TAP2: variants seen among roughly 807,000 people sequenced by gnomAD.
TAP2 encodes transporter 2, ATP binding cassette subfamily B member.
In TAP2, 49 loss-of-function variants were observed where a neutral mutation model predicts 74.7. That is an observed-to-expected ratio of 0.66 (90% CI 0.52 to 0.83). TAP2 has a LOEUF of 0.83. TAP2 is among the 40% of genes least tolerant of loss of function. The probability of loss-of-function intolerance (pLI) is 0.00; values close to 1 mark genes in which losing one functional copy is unlikely to be tolerated. For synonymous variants in TAP2, 306 were observed against 368.4 expected, an observed-to-expected ratio of 0.83 and a Z score of 1.94; for missense variants, 739 against 859.0, an observed-to-expected ratio of 0.86 and a Z score of 1.75.
At chr6:32,825,147 T>TATATATATATATA (rs1562317342), downstream of TAP2, among the ~76,000 whole-genome samples, 1 of 150,746 alleles carries the variant, frequency 6.6e-6, no homozygotes, top group African/African-American at 2.4e-5. Flanking sequence ...TATATATATA[T>TATATATATATATA]GGAGAAACAG....
chr6:32,827,525 T>C lies in TAP2; in HGVS notation c.*1381A>G. 3.2e-6 allele frequency: 1 copy of C among 309,428 alleles called. No homozygotes were observed. Among genetic ancestry groups the C allele is most frequent in the Non-Finnish European group, 4.7e-6 (1 of 212,686 alleles). 19.2% of individuals were successfully genotyped at this position (309,428 alleles called of 1,614,324 possible). A position where few individuals can be genotyped will look rare whatever the true frequency, so the allele number is the denominator to read the frequency against. On this transcript the variant is annotated 3_prime_UTR_variant, in exon 12 of 12. Transcript: ENST00000374897. ...GTAACCGCACAGTGATAGAAGCACA[T>C]GGAGAGTTCCCCAGACTGACGACAT...
chr6:32,828,721 C>G lies in TAP2; in HGVS notation c.*185G>C. 7.8e-6 allele frequency: 8 copies of G among 1,020,708 alleles called. No individual in the cohort carries two copies. The highest frequency in any genetic ancestry group is 9.5e-6 in the Non-Finnish European group (8 of 845,666). The allele number at this position is 1,020,708 out of a possible 1,614,324, so 63.2% of individuals were successfully genotyped here. ...ACCTCTCTACCCCACCAAAAGCACA[C>G]AGTGTCCAAATCTCCATCGTGCCTG... is the stretch of plus-strand genomic sequence containing the variant. On this transcript the variant is annotated 3_prime_UTR_variant, in exon 12 of 12. Transcript: ENST00000374897.
At position 32,825,969 on chromosome 6, in the gene TAP2, C is replaced by T; in HGVS notation, c.*2937G>A. On this transcript the variant is annotated 3_prime_UTR_variant, in exon 12 of 12. Transcript: ENST00000374897. ...GCACAGCAATAGCACATAGTAAGCACCAGTGAATGCTTAGTAGTAGTAGTA... is the reference window on the plus strand; with the variant it reads ...GCACAGCAATAGCACATAGTAAGCATCAGTGAATGCTTAGTAGTAGTAGTA... 1.0e-6 allele frequency: 1 copy of T among 980,590 alleles called. No homozygotes were observed. The highest frequency in any genetic ancestry group is 1.2e-6 in the Non-Finnish European group (1 of 826,224). 60.7% of individuals were successfully genotyped at this position (980,590 alleles called of 1,614,324 possible). A position where few individuals can be genotyped will look rare whatever the true frequency, so the allele number is the denominator to read the frequency against.
At chr6:32,829,084 CA>C in intron 11 of TAP2, 50 bp from the exon 12 acceptor site, 1 of 1,480,488 alleles carries the variant, frequency 6.8e-7, no homozygotes, top group South Asian at 1.2e-5. Context: ...AGATGGACAC[CA>C]CATCCACCTG....
chr6:32,832,243 TG>T lies in TAP2; in HGVS notation c.1272+89del. The stretch of plus-strand genomic sequence containing the variant: ...TGCGGGTTTTGGTTTTGTATTGTAT[TG>T]TTAAAAAGAACAAATAAAGCCCAAG... On this transcript the variant is annotated intron_variant, in intron 7 of 11. Transcript: ENST00000374897. The surrounding 1 kb of genome is among the most constrained non-coding windows in gnomAD (Gnocchi z 5.9). The T allele has an allele frequency of 6.3e-7, 1 of 1,584,038 alleles. No homozygotes were observed. Among genetic ancestry groups the T allele is most frequent in the Non-Finnish European group, 8.6e-7 (1 of 1,161,264 alleles).
rs1228464272 is a variant in TAP2, at chr6:32,835,876, G to C, written c.609-103C>G. The C allele has an allele frequency of 1.0e-5, 15 of 1,487,586 alleles. No individual in the cohort carries two copies. The highest frequency in any genetic ancestry group is 1.4e-5 in the Non-Finnish European group (15 of 1,071,902). 92.1% of individuals were successfully genotyped at this position (1,487,586 alleles called of 1,614,324 possible). A position where few individuals can be genotyped will look rare whatever the true frequency, so the allele number is the denominator to read the frequency against. Reference sequence around the variant, plus strand: ...GGAGTGCAGAGAAGCGCAAAGTCAGGGGAAAGCATGCCAGGAGGGGCAAAA... The same window carrying C: ...GGAGTGCAGAGAAGCGCAAAGTCAGCGGAAAGCATGCCAGGAGGGGCAAAA... On this transcript the variant is annotated intron_variant, in intron 3 of 11. Coordinates refer to ENST00000374897, the MANE Select transcript of TAP2 (RefSeq NM_001290043.2). This position sits in a 1 kb window ranked among gnomAD's most constrained non-coding sequence, Gnocchi z 4.0.
Position 32,830,302 on chromosome 6 carries a change from T to C in TAP2, c.1600A>G (p.Ile534Val), listed in dbSNP as rs1768976845. The C allele has an allele frequency of 1.2e-6, 2 of 1,613,104 alleles. No homozygotes were observed. Among genetic ancestry groups the C allele is most frequent in the Non-Finnish European group, 1.7e-6 (2 of 1,180,012 alleles). The change falls in exon 9 of 12, where the codon ATC becomes GTC. Residue 534 changes from isoleucine (I) to valine (V), a missense_variant. Transcript: ENST00000374897. ...GGQVLLDEKP[I>V]SQYEHCYLHS... Reference sequence around the variant, plus strand: ...AGGTAGCAGTGTTCATACTGTGAGATGGGCTTTTCATCCAGCAGCACCTGT... The same window carrying C: ...AGGTAGCAGTGTTCATACTGTGAGACGGGCTTTTCATCCAGCAGCACCTGT...
downstream of TAP2, chr6:32,825,266 C>G (rs189001221): frequency 6.6e-6 from 1 of 151,878 alleles, no homozygotes; most frequent in South Asian, 2.1e-4. Flanking sequence ...CAGCAACTCC[C>G]CTTTAAGATT....
In TAP2 at chr6:32,835,201, T is replaced by A. The variant is rs1040349334; in HGVS notation, c.898A>T (p.Met300Leu). 3.7e-6 allele frequency: 6 copies of A among 1,612,914 alleles called. No individual in the cohort carries two copies. Among genetic ancestry groups the A allele is most frequent in the Non-Finnish European group, 5.1e-6 (6 of 1,180,032 alleles). ...PRLTLLSLLHMPFTIAAEKVY... is the reference protein window; with the variant it reads ...PRLTLLSLLHLPFTIAAEKVY... ...TTCTCCGCTGCTATTGTGAAGGGCA[T>A]GTGCAGCAGAGAAAGGAGGGTGAGT... Residue 300 changes from methionine to leucine, a missense_variant, in exon 5 of 12, where the codon ATG (methionine) becomes TTG (leucine). By Grantham distance (15) the Met-to-Leu change is conservative. Transcript: ENST00000374897. The surrounding 1 kb of genome is among the most constrained non-coding windows in gnomAD (Gnocchi z 4.0).
chr6:32,830,191 C>T (rs1177837264), intron 9 of TAP2, 76 bp downstream of exon 9: 2 of 1,612,458 alleles, frequency 1.2e-6, no homozygotes, highest in Non-Finnish European at 1.7e-6. Context: ...ACCTGGTGCG[C>T]CTTCCCGTGG....
chr6:32,823,639 A>T (rs1768453190), downstream of TAP2, among the ~76,000 whole-genome samples: 1 of 151,992 alleles, frequency 6.6e-6, no homozygotes, highest in Non-Finnish European at 1.5e-5. Context: ...TTTTTATCTT[A>T]ATCTAATTTA....
At position 32,829,537 on chromosome 6, in the gene TAP2, C is replaced by T; in HGVS notation, c.1796-1G>A. ...AGCTGGCTTCCCTTCTCCCCTACATCTGAGGAAATCAGAGAAATTCCCTTC... is the reference window on the plus strand; with the variant it reads ...AGCTGGCTTCCCTTCTCCCCTACATTTGAGGAAATCAGAGAAATTCCCTTC... On this transcript the variant is annotated splice_acceptor_variant, in intron 10 of 11. Transcript: ENST00000374897. LOFTEE classifies it high-confidence loss of function. 1.2e-6 allele frequency: 2 copies of T among 1,614,168 alleles called. No individual in the cohort carries two copies. The highest frequency in any genetic ancestry group is 1.7e-6 in the Non-Finnish European group (2 of 1,180,030).
Position 32,835,349 on chromosome 6 carries a change from G to C in TAP2, c.750C>G (p.Asn250Lys). ...FFQETKTGEL[N>K]SRLSSDTTLM... ...GGGTGGTATCCGAGCTCAGCCGTGA[G>C]TTCAGCTCCCCTAAGAAGGACAGAG... The change falls in exon 5 of 12, where the codon AAC (asparagine) becomes AAG (lysine). Residue 250 changes from asparagine (N) to lysine (K), a missense_variant. By Grantham distance (94) the Asn-to-Lys change is moderately conservative (BLOSUM62 0). Coordinates refer to ENST00000374897, the MANE Select transcript of TAP2 (RefSeq NM_001290043.2). The surrounding 1 kb of genome is among the most constrained non-coding windows in gnomAD (Gnocchi z 4.0). The C allele has an allele frequency of 6.2e-7, 1 of 1,613,074 alleles. No homozygotes were observed. The highest frequency in any genetic ancestry group is 8.5e-7 in the Non-Finnish European group (1 of 1,180,034).
At chr6:32,829,872 G>GT in intron 10 of TAP2, 58 bp downstream of exon 10, 1 of 1,608,370 alleles carries the variant, frequency 6.2e-7, no homozygotes, top group Non-Finnish European at 8.5e-7. Flanking sequence ...ACCACTAAGA[G>GT]TAAGTCTGAT....
Position 32,832,905 on chromosome 6 carries a change from C to T in TAP2, c.946-81G>A. ...ACATCTTACTCCAGCCAGTGAGATG[C>T]TCCCTAGTCTACCTAAAAATACCAA... On this transcript the variant is annotated intron_variant, in intron 5 of 11. Transcript: ENST00000374897. The surrounding 1 kb of genome is among the most constrained non-coding windows in gnomAD (Gnocchi z 5.9). 2 of 1,452,258 alleles carry T rather than the reference C, an allele frequency of 1.4e-6. No homozygotes were observed. The highest frequency in any genetic ancestry group is 1.1e-5 in the South Asian group (1 of 87,278). 90.0% of individuals were successfully genotyped at this position (1,452,258 alleles called of 1,614,324 possible). A position where few individuals can be genotyped will look rare whatever the true frequency, so the allele number is the denominator to read the frequency against.
In TAP2 at chr6:32,832,263, GC is replaced by G; in HGVS notation, c.1272+69del. The G allele has an allele frequency of 6.2e-7, 1 of 1,607,448 alleles. No homozygotes were observed. The highest frequency in any genetic ancestry group is 8.5e-7 in the Non-Finnish European group (1 of 1,176,522). On this transcript the variant is annotated intron_variant, in intron 7 of 11. Transcript: ENST00000374897. This position sits in a 1 kb window ranked among gnomAD's most constrained non-coding sequence, Gnocchi z 5.9. Reference sequence around the variant, plus strand: ...TGTATTGTTAAAAAGAACAAATAAAGCCCAAGGCCCAGGAGTCCACAAAGAA... The same window carrying G: ...TGTATTGTTAAAAAGAACAAATAAAGCCAAGGCCCAGGAGTCCACAAAGAA...
rs1180789247 is a variant in TAP2, at chr6:32,837,783, G to T, written c.451C>A (p.Leu151Ile). 2.5e-6 allele frequency: 4 copies of T among 1,614,224 alleles called. No individual in the cohort carries two copies. In the East Asian group the frequency reaches 8.9e-5, roughly 36 times the overall value. The change falls in exon 2 of 12, where the codon CTC becomes ATC. Residue 151 changes from leucine (L) to isoleucine (I), a missense_variant. Transcript: ENST00000374897. ...LLKLSRPDLPLLVAAFFFLVL... is the reference protein window; with the variant it reads ...LLKLSRPDLPILVAAFFFLVL... ...AGGAAGAAGAAGGCGGCAACGAGGA[G>T]AGGCAGGTCCGGCCTGGAGAGCTTC... is the stretch of plus-strand genomic sequence containing the variant.
Position 32,828,740 on chromosome 6 carries a change from G to C in TAP2, c.*166C>G. Reference sequence around the variant, plus strand: ...AGCACACAGTGTCCAAATCTCCATCGTGCCTGCAACTCAGGAACAGCTATC... The same window carrying C: ...AGCACACAGTGTCCAAATCTCCATCCTGCCTGCAACTCAGGAACAGCTATC... On this transcript the variant is annotated 3_prime_UTR_variant, in exon 12 of 12. Transcript: ENST00000374897. The C allele has an allele frequency of 1.9e-6, 2 of 1,057,746 alleles. No homozygotes were observed. The highest frequency in any genetic ancestry group is 2.3e-6 in the Non-Finnish European group (2 of 879,336). 65.5% of individuals were successfully genotyped at this position (1,057,746 alleles called of 1,614,324 possible).
chr6:32,826,454 G>A lies in TAP2; in HGVS notation c.*2452C>T, dbSNP rs1768656094. ...GAGATCAATCAAATGGTGATGGGGGGTAGGAGTGAACAAAAAGAACTCTGG... is the reference window on the plus strand; with the variant it reads ...GAGATCAATCAAATGGTGATGGGGGATAGGAGTGAACAAAAAGAACTCTGG... On this transcript the variant is annotated 3_prime_UTR_variant, in exon 12 of 12. Coordinates refer to ENST00000374897, the MANE Select transcript of TAP2 (RefSeq NM_001290043.2). 2.0e-6 allele frequency: 2 copies of A among 984,976 alleles called. No individual in the cohort carries two copies. Among genetic ancestry groups the A allele is most frequent in the Non-Finnish European group, 2.4e-6 (2 of 829,930 alleles). 61.0% of individuals were successfully genotyped at this position (984,976 alleles called of 1,614,324 possible). A position where few individuals can be genotyped will look rare whatever the true frequency, so the allele number is the denominator to read the frequency against.
Sources: allele counts gnomAD v4.1 joint callset (sites outside exome capture counted in the v4.1 genomes callset), GRCh38; gene constraint gnomAD v4.1.1; non-coding constraint Gnocchi (gnomAD v3.1); transcripts MANE v1.5; gene names NCBI Gene and HGNC (gene_info 2026-07-23, HGNC 2026-07-21).